The following LUZP2 variants were observed in gnomAD, a reference collection of about 807,000 sequenced individuals.
LUZP2 encodes the protein leucine zipper protein 2.
LUZP2 carries 52 observed loss-of-function variants against 51.6 expected under a neutral mutation model. The observed-to-expected ratio is 1.01, with a 90% CI of 0.81 to 1.27. The LOEUF (loss-of-function observed/expected upper bound fraction) is 1.27, where lower values mean the gene tolerates loss of function less well. Among genes scored for constraint, LUZP2 ranks in the 50% most tolerant of loss-of-function variants. LUZP2 has a pLI of 0.00. For synonymous variants in LUZP2, 154 were observed against 137.3 expected, an observed-to-expected ratio of 1.12 and a Z score of -0.85; for missense variants, 436 against 395.4, an observed-to-expected ratio of 1.10 and a Z score of -0.87.
chr11:24,817,370 T>C (rs1433871516), intron 5 of LUZP2, among the ~76,000 whole-genome samples: 2 of 152,020 alleles, frequency 1.3e-5, no homozygotes, highest in Admixed American at 6.6e-5. Flanking sequence ...AAATATATCG[T>C]ATTTCTAGTT....
At chr11:24,518,615 G>A (rs1850550492) in intron 1 of LUZP2, among the ~76,000 whole-genome samples, 1 of 152,190 alleles carries the variant, frequency 6.6e-6, no homozygotes, top group Admixed American at 6.5e-5. Flanking sequence ...GAAGATGATA[G>A]TGGGTTTTTA....
intron 1 of LUZP2, among the ~76,000 whole-genome samples, chr11:24,597,102 AC>A (rs1853468175): frequency 6.6e-6 from 1 of 152,186 alleles, no homozygotes; most frequent in Admixed American, 6.5e-5. Flanking sequence ...AGAGTCAAAA[AC>A]AACACTTGTG....
chr11:25,051,777 A>G (rs1389798195), intron 10 of LUZP2, among the ~76,000 whole-genome samples: 1 of 152,180 alleles, frequency 6.6e-6, no homozygotes, highest in East Asian at 1.9e-4. Flanking sequence ...TTCTTGATAT[A>G]TATTTTTGAA....
chr11:24,966,629 CTGATA>C (rs1408827277), intron 7 of LUZP2, among the ~76,000 whole-genome samples: 2 of 147,706 alleles, frequency 1.4e-5, no homozygotes, highest in Non-Finnish European at 3.0e-5. Flanking sequence ...TATATAATGG[CTGATA>C]TATTATATAT....
intron 8 of LUZP2, among the ~76,000 whole-genome samples, chr11:24,977,870 A>C (rs112325100): frequency 1.1e-4 from 16 of 150,430 alleles, no homozygotes; most frequent in African/African-American, 4.0e-4. Flanking sequence ...GTTTCTCTCT[A>C]TCTGCTTCTA....
At chr11:24,618,666 C>G (rs1311155545) in intron 1 of LUZP2, among the ~76,000 whole-genome samples, 1 of 152,116 alleles carries the variant, frequency 6.6e-6, no homozygotes, top group South Asian at 2.1e-4. Flanking sequence ...TAAACAATTA[C>G]GCAGCATTTA....
At chr11:25,037,336 C>T (rs1019124204) in intron 9 of LUZP2, among the ~76,000 whole-genome samples, 4 of 152,084 alleles carry the variant, frequency 2.6e-5, no homozygotes, top group African/African-American at 9.7e-5. Context: ...TGATTTTGAG[C>T]TTGTGAGTGT....
chr11:24,767,742 T>C (rs77190564), intron 5 of LUZP2, among the ~76,000 whole-genome samples: 387 of 152,316 alleles, frequency 2.5e-3, no homozygotes, highest in South Asian at 6.0e-3. Context: ...TCCTTGTGCC[T>C]TCAATGTTTA....
intron 1 of LUZP2, among the ~76,000 whole-genome samples, chr11:24,659,761 CT>C (rs1855952805): frequency 6.6e-6 from 1 of 152,070 alleles, no homozygotes; most frequent in South Asian, 2.1e-4. Context: ...ATATGTGCTT[CT>C]TTATTAGTGT....
At position 25,080,881 on chromosome 11, in the gene LUZP2, A is replaced by G. The variant is rs548745347; in HGVS notation, c.*2223A>G. On this transcript the variant is annotated 3_prime_UTR_variant, in exon 12 of 12. Coordinates refer to ENST00000336930, the MANE Select transcript of LUZP2 (RefSeq NM_001009909.4). ...CAGGCTGTTATTTCCTGAAATTGTT[A>G]TGAGAGATAACATGTTGAAAGGTAA... 6.6e-6 allele frequency: 1 copy of G among 152,288 alleles called. No individual in the cohort carries two copies. Among genetic ancestry groups the G allele is most frequent in the South Asian group, 2.1e-4 (1 of 4,822 alleles). The allele number at this position is 152,288 out of a possible 1,614,324, so 9.4% of individuals were successfully genotyped here.
intron 8 of LUZP2, among the ~76,000 whole-genome samples, chr11:24,980,323 T>C (rs1374147): frequency 0.51 from 77,869 of 151,470 alleles, 20,277 homozygotes; most frequent in South Asian, 0.56. Context: ...ACCAAAAAAA[T>C]CTACCTCCTA....
At chr11:24,511,977 A>G (rs992984789) in intron 1 of LUZP2, among the ~76,000 whole-genome samples, 33 of 151,954 alleles carry the variant, frequency 2.2e-4, no homozygotes, top group Non-Finnish European at 4.1e-4. Flanking sequence ...AGAGACTAGC[A>G]TTTTCCAAAA....
chr11:24,590,385 T>C (rs1853217732), intron 1 of LUZP2, among the ~76,000 whole-genome samples: 1 of 152,184 alleles, frequency 6.6e-6, no homozygotes, highest in South Asian at 2.1e-4. Context: ...TTAGTTTATC[T>C]ATTACCTGAT....
chr11:24,503,504 A>C (rs1188835221), intron 1 of LUZP2, among the ~76,000 whole-genome samples: 1 of 152,222 alleles, frequency 6.6e-6, no homozygotes, highest in African/African-American at 2.4e-5. Context: ...CCTAGGAGAC[A>C]TAATTATACC....
At chr11:25,055,340 T>C (rs1254669936) in intron 10 of LUZP2, among the ~76,000 whole-genome samples, 1 of 152,132 alleles carries the variant, frequency 6.6e-6, no homozygotes, top group Non-Finnish European at 1.5e-5. Context: ...CTTTCAGCAA[T>C]GTTTGATAGT....
At chr11:24,630,021 C>G (rs917677908) in intron 1 of LUZP2, among the ~76,000 whole-genome samples, 3 of 150,128 alleles carry the variant, frequency 2.0e-5, no homozygotes, top group Non-Finnish European at 4.4e-5. Flanking sequence ...TTTTTTTTTG[C>G]CAACTGTTTA....
At chr11:24,655,689 C>T (rs540035345) in intron 1 of LUZP2, among the ~76,000 whole-genome samples, 29 of 152,208 alleles carry the variant, frequency 1.9e-4, no homozygotes, top group South Asian at 1.2e-3. Context: ...GTCTGAAAAG[C>T]GGGAGGAAAT....
At chr11:24,723,332 A>G (rs1858348119) in intron 1 of LUZP2, among the ~76,000 whole-genome samples, 1 of 152,230 alleles carries the variant, frequency 6.6e-6, no homozygotes, top group African/African-American at 2.4e-5. Context: ...AGTAGAACAT[A>G]TGCGTGCTTT....
At chr11:25,024,928 G>A (rs1857443184) in intron 9 of LUZP2, among the ~76,000 whole-genome samples, 1 of 149,914 alleles carries the variant, frequency 6.7e-6, no homozygotes, top group Non-Finnish European at 1.5e-5. Context: ...AAACAGCATG[G>A]TACTGGTACC....
Sources: allele counts gnomAD v4.1 joint callset (sites outside exome capture counted in the v4.1 genomes callset), GRCh38; gene constraint gnomAD v4.1.1; transcripts MANE v1.5; gene names NCBI Gene and HGNC (gene_info 2026-07-23, HGNC 2026-07-21).